Variants in CELF1 observed in about 807,000 individuals in gnomAD.
CELF1 encodes the protein 50 kDa nuclear polyadenylated RNA-binding protein.
In CELF1, 10 loss-of-function variants were observed where a neutral mutation model predicts 61.8. That is an observed-to-expected ratio of 0.16 (90% CI 0.10 to 0.27). The LOEUF is 0.27. Ranked by LOEUF, CELF1 falls within the 10% of genes least tolerant of loss-of-function variation. CELF1 has a pLI of 1.00. For missense variants in CELF1, 380 were observed against 639.1 expected (o/e 0.59, Z 4.37); for synonymous variants, 236 against 225.1 (o/e 1.05, Z -0.43).
At chr11:47,557,464 G>C (rs1405607283), upstream of CELF1, 4 of 135,756 alleles carry the variant, frequency 2.9e-5, no homozygotes, top group East Asian at 8.9e-4. Flanking sequence ...TGATCCACCC[G>C]CCTTGGCCTC....
At chr11:47,493,881 A>T (rs1191300412) in intron 3 of CELF1, among the ~76,000 whole-genome samples, 2 of 152,206 alleles carry the variant, frequency 1.3e-5, no homozygotes, top group Non-Finnish European at 2.9e-5. Context: ...TCTTCCACAT[A>T]TACTTCCAAT....
At chr11:47,477,181 T>C (rs2080633313) in intron 11 of CELF1, 116 bp downstream of exon 11, 1 of 1,213,842 alleles carries the variant, frequency 8.2e-7, no homozygotes, top group South Asian at 1.4e-5. Flanking sequence ...TTGTTGCTCA[T>C]AATCTGACCT....
chr11:47,558,917 T>G (rs1166720263), intron 2 of CELF1, among the ~76,000 whole-genome samples: 1 of 137,086 alleles, frequency 7.3e-6, no homozygotes, highest in African/African-American at 2.7e-5. Context: ...ATATAACACA[T>G]AATATATTGT....
intron 3 of CELF1, among the ~76,000 whole-genome samples, chr11:47,496,215 G>A (rs1459445063): frequency 6.6e-6 from 1 of 152,178 alleles, no homozygotes; most frequent in Admixed American, 6.5e-5. Flanking sequence ...TGGGGTGTTA[G>A]GTACTAGAAA....
At chr11:47,553,528 A>G (rs903891872), upstream of CELF1, among the ~76,000 whole-genome samples, 1 of 152,202 alleles carries the variant, frequency 6.6e-6, no homozygotes, top group African/African-American at 2.4e-5. Flanking sequence ...GCATAATAAG[A>G]TATTTGTTGA....
At chr11:47,520,336 G>A (rs1204063760) in intron 1 of CELF1, among the ~76,000 whole-genome samples, 1 of 152,194 alleles carries the variant, frequency 6.6e-6, no homozygotes, top group Non-Finnish European at 1.5e-5. Context: ...ACCCTCCACT[G>A]AATTACATGG....
At chr11:47,496,106 A>T (rs763339327) in intron 3 of CELF1, 46 of 413,034 alleles carry the variant, frequency 1.1e-4, no homozygotes, top group Middle Eastern at 1.2e-3. Flanking sequence ...GGCCTGAGTT[A>T]CTTACCAGCT....
chr11:47,473,780 G>A (rs1204494798), intron 13 of CELF1, among the ~76,000 whole-genome samples: 2 of 152,150 alleles, frequency 1.3e-5, no homozygotes, highest in East Asian at 3.8e-4. Flanking sequence ...CAAAATCAGT[G>A]AGTTTCATCA....
At position 47,473,081 on chromosome 11, in the gene CELF1, A is replaced by G. The variant is rs1287471996; in HGVS notation, c.1417+7T>C. The G allele has an allele frequency of 6.2e-7, 1 of 1,613,508 alleles. No individual in the cohort carries two copies. Among genetic ancestry groups the G allele is most frequent in the South Asian group, 1.1e-5 (1 of 90,966 alleles). ...CCCATCCTGACACCAGAGAGAAGCC[A>G]ACATACCAAAACACTTGCTCAGGTT... On this transcript the variant is annotated splice_region_variant and intron_variant, in intron 14 of 14. Coordinates refer to ENST00000687097, the MANE Select transcript of CELF1 (RefSeq NM_001376376.1).
At chr11:47,558,120 G>A (rs2097211384), upstream of CELF1, among the ~76,000 whole-genome samples, 1 of 152,128 alleles carries the variant, frequency 6.6e-6, no homozygotes, top group African/African-American at 2.4e-5. Context: ...GCCTCCGAAA[G>A]TGTTGGGATT....
At position 47,475,366 on chromosome 11, in the gene CELF1, T is replaced by C. The variant is rs1265140935; in HGVS notation, c.1243A>G (p.Ser415Gly). The change falls in exon 13 of 15, where the codon AGT becomes GGT. Residue 415 changes from serine (S) to glycine (G), a missense_variant. Transcript: ENST00000687097. ...LYNQNLLTQQ[S>G]IGAAGSQKEG... Reference sequence around the variant, plus strand: ...TTCTGGCTTCCAGCAGCACCAATACTCTGCTGTGTCAGAAGATTCTGGTTG... The same window carrying C: ...TTCTGGCTTCCAGCAGCACCAATACCCTGCTGTGTCAGAAGATTCTGGTTG... The C allele has an allele frequency of 3.1e-6, 5 of 1,613,870 alleles. No homozygotes were observed. The highest frequency in any genetic ancestry group is 4.2e-6 in the Non-Finnish European group (5 of 1,180,008).
Position 47,472,132 on chromosome 11 carries a change from G to T in CELF1, c.*98C>A. 1 of 1,438,426 alleles carries T rather than the reference G, an allele frequency of 7.0e-7. No homozygotes were observed. Among genetic ancestry groups the T allele is most frequent in the South Asian group, 1.2e-5 (1 of 80,276 alleles). The allele number at this position is 1,438,426 out of a possible 1,614,324, so 89.1% of individuals were successfully genotyped here. A position where few individuals can be genotyped will look rare whatever the true frequency, so the allele number is the denominator to read the frequency against. On this transcript the variant is annotated 3_prime_UTR_variant, in exon 15 of 15. Coordinates refer to ENST00000687097, the MANE Select transcript of CELF1 (RefSeq NM_001376376.1). Reference sequence around the variant, plus strand: ...GAGAGTGGCAGGGATCAGGGTCCAGGGCTGTCAACACACAGCCTCAGGGCT... The same window carrying T: ...GAGAGTGGCAGGGATCAGGGTCCAGTGCTGTCAACACACAGCCTCAGGGCT...
At chr11:47,539,892 A>G (rs1454987301) in intron 1 of CELF1, among the ~76,000 whole-genome samples, 2 of 152,154 alleles carry the variant, frequency 1.3e-5, no homozygotes, top group Admixed American at 1.3e-4. Flanking sequence ...TACGAGCCTG[A>G]ACTTGGCTGC....
chr11:47,489,670 T>C (rs2089965764), intron 3 of CELF1, among the ~76,000 whole-genome samples: 1 of 152,220 alleles, frequency 6.6e-6, no homozygotes, highest in Admixed American at 6.5e-5. Context: ...ACCATCATTT[T>C]AGATTTTCTG....
chr11:47,541,784 A>C (rs1189339676), intron 1 of CELF1, among the ~76,000 whole-genome samples: 253 of 19,820 alleles, frequency 0.013, 45 homozygotes, highest in African/African-American at 0.025. Flanking sequence ...GAAAGAACGA[A>C]AGAAAGAACG....
chr11:47,535,663 G>C (rs1487809673), intron 1 of CELF1, among the ~76,000 whole-genome samples: 1 of 141,578 alleles, frequency 7.1e-6, no homozygotes, highest in African/African-American at 2.7e-5. Context: ...TGGGCAACAA[G>C]AGCGAAACCC....
chr11:47,491,981 C>T (rs144898871), intron 3 of CELF1, among the ~76,000 whole-genome samples: 55 of 152,174 alleles, frequency 3.6e-4, no homozygotes, highest in African/African-American at 1.2e-3. Context: ...AGGATTAATA[C>T]GCCTTTTTCT....
At chr11:47,521,087 T>A (rs2095861912) in intron 1 of CELF1, among the ~76,000 whole-genome samples, 1 of 151,632 alleles carries the variant, frequency 6.6e-6, no homozygotes, top group Non-Finnish European at 1.5e-5. Flanking sequence ...CCATCTCTAC[T>A]AAAAATACAA....
chr11:47,487,113 A>C (rs750515522), intron 5 of CELF1, 46 bp downstream of exon 5: 19 of 1,418,936 alleles, frequency 1.3e-5, no homozygotes, highest in Non-Finnish European at 1.9e-5. Flanking sequence ...TATATCCCAC[A>C]TATCAAAGTT....
Sources: allele counts gnomAD v4.1 joint callset (sites outside exome capture counted in the v4.1 genomes callset), GRCh38; gene constraint gnomAD v4.1.1; transcripts MANE v1.5; gene names NCBI Gene and HGNC (gene_info 2026-07-23, HGNC 2026-07-21).